PCDH19: variants seen among roughly 807,000 people sequenced by gnomAD.
PCDH19 encodes the protein protocadherin 19.
In PCDH19, 6 loss-of-function variants were observed where a neutral mutation model predicts 46.2. The observed-to-expected ratio is 0.13, with a 90% CI of 0.07 to 0.26. The LOEUF (loss-of-function observed/expected upper bound fraction) is 0.26, where lower values mean the gene tolerates loss of function less well. Ranked by LOEUF, PCDH19 falls within the 10% of genes least tolerant of loss-of-function variation. The pLI, the probability that PCDH19 is intolerant of heterozygous loss-of-function variation, is 1.00. For synonymous variants in PCDH19, 481 were observed against 415.7 expected (o/e 1.16, Z -1.91); for missense variants, 740 against 972.3 (o/e 0.76, Z 3.18).
At chrX:100,345,435 T>C (rs922927233) in intron 4 of PCDH19, among the ~76,000 whole-genome samples, 1 of 111,629 alleles carries the variant, frequency 9.0e-6, no homozygotes, top group African/African-American at 3.3e-5. Flanking sequence ...ATTAAAACTA[T>C]ATCACTTGGT....
At chrX:100,322,861 A>ATTTTTTTTTTTT (rs1157437894) in intron 5 of PCDH19, among the ~76,000 whole-genome samples, 2 of 44,417 alleles carry the variant, frequency 4.5e-5, no homozygotes, top group Admixed American at 4.3e-4. Context: ...ATATATATAT[A>ATTTTTTTTTTTT]TATATTTTTG....
At chrX:100,403,454 C>A (rs948985582) in intron 2 of PCDH19, 70 bp downstream of exon 2, 8 of 1,115,659 alleles carry the variant, frequency 7.2e-6, no homozygotes, top group African/African-American at 5.5e-5. Context: ...TTACTCACCC[C>A]CCGACCCCCT....
At chrX:100,350,565 C>T (rs768000168) in intron 4 of PCDH19, 81 bp downstream of exon 4, 28 of 669,203 alleles carry the variant, frequency 4.2e-5, no homozygotes, top group Middle Eastern at 3.7e-4. Context: ...CAAAAAAATA[C>T]GTTTTAAAAA....
chrX:100,304,589 A>G (rs764868676), intron 5 of PCDH19, among the ~76,000 whole-genome samples: 4 of 112,065 alleles, frequency 3.6e-5, no homozygotes, highest in Non-Finnish European at 5.6e-5. Flanking sequence ...GAATTGCCAG[A>G]AAAAAAATTC....
chrX:100,376,706 G>A (rs756500993), intron 3 of PCDH19, among the ~76,000 whole-genome samples: 2 of 111,244 alleles, frequency 1.8e-5, no homozygotes, highest in Non-Finnish European at 3.8e-5. Flanking sequence ...AGCAAATGCA[G>A]AGAAGATTCA....
rs918445257 is a variant in PCDH19, at chrX:100,332,101, T to C, written c.2848+9802A>G. ...TCTGATAAAAACAAGAGACCAAAAATACCTTGGGCAAGTCCTGACCCTGGA... is the reference window on the plus strand; with the variant it reads ...TCTGATAAAAACAAGAGACCAAAAACACCTTGGGCAAGTCCTGACCCTGGA... On this transcript the variant is annotated intron_variant, in intron 5 of 5. Transcript: ENST00000373034. Among the ~76,000 whole-genome samples the C allele has an allele frequency of 2.7e-5, 3 of 112,137 alleles. No individual in the cohort carries two copies. The Admixed American group carries it at 2.8e-4, about 11-fold the overall frequency.
chrX:100,345,204 C>T (rs947564733), intron 4 of PCDH19, among the ~76,000 whole-genome samples: 3 of 111,504 alleles, frequency 2.7e-5, no homozygotes, highest in Non-Finnish European at 5.7e-5. Flanking sequence ...TTAATACCAT[C>T]ATTATTCTGT....
At chrX:100,348,302 C>T (rs1926472459) in intron 4 of PCDH19, among the ~76,000 whole-genome samples, 2 of 111,540 alleles carry the variant, frequency 1.8e-5, no homozygotes, top group South Asian at 3.8e-4. Context: ...GAACAGGCTT[C>T]GCATGACTTT....
chrX:100,391,731 CTA>C (rs1927868402), intron 3 of PCDH19, among the ~76,000 whole-genome samples: 1 of 112,259 alleles, frequency 8.9e-6, no homozygotes, highest in African/African-American at 3.2e-5. Context: ...TCAGAATTCT[CTA>C]TGTCTTGGAT....
At chrX:100,356,762 C>CTCTCTT (rs1569300761) in intron 3 of PCDH19, among the ~76,000 whole-genome samples, 1 of 108,906 alleles carries the variant, frequency 9.2e-6, no homozygotes, top group Non-Finnish European at 1.9e-5. Context: ...AATTCATTCT[C>CTCTCTT]TCTCTCTCTC....
At chrX:100,312,451 T>C (rs1925161026) in intron 5 of PCDH19, among the ~76,000 whole-genome samples, 1 of 112,065 alleles carries the variant, frequency 8.9e-6, no homozygotes, top group East Asian at 2.8e-4. Context: ...ACATGGACAA[T>C]GCTAAATTTT....
chrX:100,322,863 A>ATT (rs1358059816), intron 5 of PCDH19, among the ~76,000 whole-genome samples: 2 of 40,112 alleles, frequency 5.0e-5, no homozygotes, highest in African/African-American at 8.9e-5. Context: ...ATATATATAT[A>ATT]TATTTTTGCA....
At chrX:100,301,303 G>A (rs1924773995) in intron 5 of PCDH19, among the ~76,000 whole-genome samples, 1 of 112,245 alleles carries the variant, frequency 8.9e-6, no homozygotes, top group South Asian at 3.7e-4. Flanking sequence ...GGATGTGTTT[G>A]ATAATGCTGG....
At chrX:100,351,005 T>G (rs1389593548) in intron 3 of PCDH19, among the ~76,000 whole-genome samples, 2 of 112,951 alleles carry the variant, frequency 1.8e-5, no homozygotes, top group African/African-American at 3.2e-5. Context: ...TTACAGAAAC[T>G]AATTACTTCC....
intron 5 of PCDH19, among the ~76,000 whole-genome samples, chrX:100,302,946 C>G (rs748265053): frequency 1.8e-5 from 2 of 111,741 alleles, no homozygotes; most frequent in Non-Finnish European, 1.9e-5. Flanking sequence ...AGATACTGTG[C>G]AACTCCTAAA....
intron 5 of PCDH19, among the ~76,000 whole-genome samples, chrX:100,319,247 A>C (rs1485218362): frequency 8.9e-6 from 1 of 111,735 alleles, no homozygotes; most frequent in African/African-American, 3.3e-5. Context: ...TGATATCTTA[A>C]GTGTAAGGGA....
chrX:100,305,511 TG>T (rs1335161105), intron 5 of PCDH19, among the ~76,000 whole-genome samples: 1 of 110,952 alleles, frequency 9.0e-6, no homozygotes, highest in Non-Finnish European at 1.9e-5. Flanking sequence ...AGTAACACAA[TG>T]AAAAAAAGGT....
chrX:100,348,215 G>T (rs761466586), intron 4 of PCDH19, among the ~76,000 whole-genome samples: 3 of 111,446 alleles, frequency 2.7e-5, no homozygotes, highest in Non-Finnish European at 5.6e-5. Context: ...GGCCAAGAGC[G>T]TTTACCATGC....
intron 3 of PCDH19, among the ~76,000 whole-genome samples, chrX:100,383,952 C>A (rs1927633319): frequency 9.0e-6 from 1 of 111,419 alleles, no homozygotes; most frequent in African/African-American, 3.3e-5. Context: ...TTCAGAAGCA[C>A]CAGAAAGTTA....
Sources: allele counts gnomAD v4.1 joint callset (sites outside exome capture counted in the v4.1 genomes callset), GRCh38; gene constraint gnomAD v4.1.1; transcripts MANE v1.5; gene names NCBI Gene and HGNC (gene_info 2026-07-23, HGNC 2026-07-21).